IL3RA: variants seen among roughly 807,000 people sequenced by gnomAD.
IL3RA encodes interleukin-3 receptor subunit alpha.
Under a neutral mutation model 52.3 loss-of-function variants are expected in IL3RA, and 73 were observed. That is an observed-to-expected ratio of 1.40 (90% confidence interval 1.16 to 1.70). The LOEUF (loss-of-function observed/expected upper bound fraction) is 1.70, where lower values mean the gene tolerates loss of function less well. Ranked by LOEUF, IL3RA falls within the 40% of genes most tolerant of loss-of-function variation. IL3RA has a pLI of 0.00. For missense variants in IL3RA, 664 were observed against 504.4 expected (o/e 1.32, Z -3.03); for synonymous variants, 260 against 194.0 (o/e 1.34, Z -2.83).
intron 7 of IL3RA, among the ~76,000 whole-genome samples, chrX:1,358,414 C>T (rs2086902718): frequency 6.6e-6 from 1 of 152,098 alleles, no homozygotes; most frequent in Admixed American, 6.6e-5. Context: ...AATCCCAGCA[C>T]TTTGGGAGGC....
chrX:1,360,826 C>G (rs1287986081), intron 8 of IL3RA, among the ~76,000 whole-genome samples: 1 of 151,724 alleles, frequency 6.6e-6, no homozygotes, highest in Non-Finnish European at 1.5e-5. Flanking sequence ...CCGTGCCCGG[C>G]CCCTCTCTTT....
intron 9 of IL3RA, among the ~76,000 whole-genome samples, chrX:1,367,683 GGGGTGCGCGGGGTGAGCC>G (rs2088232673): frequency 5.9e-5 from 6 of 102,488 alleles, no homozygotes; most frequent in Admixed American, 9.5e-5. Flanking sequence ...CGGGGTGAGC[GGGGTGCGCGGGGTGAGCC>G]GGGTGCGCGG....
intron 9 of IL3RA, among the ~76,000 whole-genome samples, chrX:1,369,894 C>T (rs1399318044): frequency 2.3e-5 from 1 of 44,196 alleles, no homozygotes; most frequent in Non-Finnish European, 3.5e-5. Flanking sequence ...GAGAAGACGG[C>T]GTCTCCAAGC....
intron 4 of IL3RA, among the ~76,000 whole-genome samples, chrX:1,348,805 C>G (rs2085939794): frequency 7.1e-6 from 1 of 140,856 alleles, no homozygotes; most frequent in Non-Finnish European, 1.5e-5. Context: ...CTTTTCTTCA[C>G]TTCCTTCCCT....
intron 9 of IL3RA, among the ~76,000 whole-genome samples, chrX:1,377,532 C>T (rs1278446644): frequency 2.0e-5 from 3 of 152,024 alleles, no homozygotes; most frequent in Non-Finnish European, 2.9e-5. Flanking sequence ...CGTGAGCCAC[C>T]GCGCCCGGCC....
In IL3RA at chrX:1,356,596, C is replaced by T. The variant is rs751061461; in HGVS notation, c.732+260C>T. Among the ~76,000 whole-genome samples, 19 of 151,998 alleles carry T rather than the reference C, an allele frequency of 1.3e-4. No individual in the cohort carries two copies. The South Asian group carries it at 3.5e-3, about 28-fold the overall frequency. ...CATCCTGGCTAACGCGGTGAAACCC[C>T]GTCTCTACTAAAAATACGAAAAAAA... On this transcript the variant is annotated intron_variant, in intron 7 of 11. Transcript: ENST00000331035.
At chrX:1,355,074 A>G in intron 6 of IL3RA, among the ~76,000 whole-genome samples, 1 of 8,104 alleles carries the variant, frequency 1.2e-4, no homozygotes, top group Non-Finnish European at 2.1e-4. Context: ...CAGGAGGGGG[A>G]GGAAAAAGGA....
At chrX:1,379,492 C>G (rs1206696464) in intron 10 of IL3RA, among the ~76,000 whole-genome samples, 1 of 152,114 alleles carries the variant, frequency 6.6e-6, no homozygotes, top group East Asian at 1.9e-4. Flanking sequence ...GGGGCCAGGT[C>G]CTCTCTGCTA....
intron 7 of IL3RA, 73 bp from the exon 8 acceptor site, chrX:1,358,788 A>G: frequency 4.5e-6 from 7 of 1,567,480 alleles, no homozygotes; most frequent in Non-Finnish European, 6.1e-6. Context: ...GGAGGGAGAA[A>G]TTTGAGTTTG....
chrX:1,347,823 G>A (rs1444874825), intron 3 of IL3RA, among the ~76,000 whole-genome samples: 1 of 151,436 alleles, frequency 6.6e-6, no homozygotes, highest in Non-Finnish European at 1.5e-5. Context: ...TGGATCACGA[G>A]GTCAGGAGAT....
intron 6 of IL3RA, 29 bp downstream of exon 6, chrX:1,352,535 C>T: frequency 6.2e-7 from 1 of 1,604,786 alleles, no homozygotes; most frequent in Non-Finnish European, 8.5e-7. Context: ...TCCCTCCCAC[C>T]CTCAGTTCTG....
At chrX:1,363,308 T>C (rs2087613024) in intron 8 of IL3RA, among the ~76,000 whole-genome samples, 1 of 149,490 alleles carries the variant, frequency 6.7e-6, no homozygotes, top group Non-Finnish European at 1.5e-5. Context: ...TCTTCTTTTT[T>C]TTTTTTTTTT....
chrX:1,378,625 C>T, intron 9 of IL3RA, 34 bp from the exon 10 acceptor site: 1 of 1,583,730 alleles, frequency 6.3e-7, no homozygotes, highest in Non-Finnish European at 8.6e-7. Flanking sequence ...CAGGACGGCC[C>T]CCGGTCTGTG....
At chrX:1,361,708 G>A (rs1369809694) in intron 8 of IL3RA, among the ~76,000 whole-genome samples, 84 of 145,916 alleles carry the variant, frequency 5.8e-4, no homozygotes, top group African/African-American at 8.4e-4. Flanking sequence ...AGTTGAGATC[G>A]CGCCACTGCA....
At chrX:1,348,644 C>CTCTTTCTT (rs762100895) in intron 4 of IL3RA, 99 bp downstream of exon 4, 15,777 of 496,336 alleles carry the variant, frequency 0.032, 980 homozygotes, top group East Asian at 0.062. Flanking sequence ...TTTTCTTTTT[C>CTCTTTCTT]TCTTTCTTTC....
intron 2 of IL3RA, among the ~76,000 whole-genome samples, chrX:1,342,968 G>C (rs17883220): frequency 6.6e-6 from 1 of 151,638 alleles, no homozygotes; most frequent in South Asian, 2.1e-4. Context: ...CCAGTTACTC[G>C]GGAGGCTGAG....
intron 4 of IL3RA, among the ~76,000 whole-genome samples, chrX:1,349,284 C>T (rs1336557980): frequency 2.6e-5 from 4 of 151,412 alleles, no homozygotes; most frequent in Non-Finnish European, 4.4e-5. Flanking sequence ...CGGGTTCAAG[C>T]GATTCTCCTG....
chrX:1,340,974 G>A (rs182719522), intron 1 of IL3RA, among the ~76,000 whole-genome samples: 39 of 152,126 alleles, frequency 2.6e-4, no homozygotes, highest in Middle Eastern at 3.4e-3. Context: ...AAAATTAGCC[G>A]GACATGGTGG....
intron 8 of IL3RA, among the ~76,000 whole-genome samples, chrX:1,359,379 C>G (rs2086988375): frequency 6.6e-6 from 1 of 152,086 alleles, no homozygotes; most frequent in Non-Finnish European, 1.5e-5. Context: ...GAACAGACAG[C>G]CGGACCACAG....
Sources: gnomAD v4.1 joint callset for allele counts (sites outside exome capture counted in the v4.1 genomes callset) on GRCh38, gnomAD v4.1.1 for gene constraint, MANE v1.5 for transcripts, NCBI Gene and HGNC (gene_info 2026-07-23, HGNC 2026-07-21) for gene names.